The following RPL38 variants were observed in gnomAD, a reference collection of about 807,000 sequenced individuals.
The protein encoded by RPL38 is ribosomal protein L38, also known as large ribosomal subunit protein eL38.
RPL38 carries 2 observed loss-of-function variants against 12.8 expected under a neutral mutation model. The observed-to-expected ratio is 0.16, with a 90% CI of 0.06 to 0.49. The LOEUF is 0.49. Ranked by LOEUF, RPL38 falls within the 20% of genes least tolerant of loss-of-function variation. The pLI, the probability that RPL38 is intolerant of heterozygous loss-of-function variation, is 0.96. For missense variants in RPL38, 52 were observed against 79.8 expected, an observed-to-expected ratio of 0.65 and a Z score of 1.33; for synonymous variants, 42 against 30.1, an observed-to-expected ratio of 1.39 and a Z score of -1.29.
chr17:74,207,813 C>T (rs918989933), intron 3 of RPL38, among the ~76,000 whole-genome samples: 3 of 152,176 alleles, frequency 2.0e-5, no homozygotes, highest in African/African-American at 7.2e-5. Context: ...ACTGAATAAA[C>T]ATTTTGAAGA....
At chr17:74,207,796 G>T (rs141281946) in intron 3 of RPL38, among the ~76,000 whole-genome samples, 12 of 152,132 alleles carry the variant, frequency 7.9e-5, no homozygotes, top group African/African-American at 2.7e-4. Context: ...GTGAACCACC[G>T]CACCCAACTG....
rs1186851549 is a variant in RPL38 at position 74,204,284 on chromosome 17, A to AGGCCGTCTGGGTGTGTGCCT, written c.64+99_64+118dup. ...CCGGAATGTCAGGCAGGAGACGGTT[A>AGGCCGTCTGGGTGTGTGCCT]GGCCGTCTGGGTGTGTGCCTGGCCC... On this transcript the variant is annotated intron_variant, in intron 3 of 4. Transcript: ENST00000311111. 22 of 1,153,304 alleles carry AGGCCGTCTGGGTGTGTGCCT rather than the reference A, an allele frequency of 1.9e-5. No homozygotes were observed. In the Middle Eastern group the frequency reaches 5.8e-4, roughly 31 times the overall value. The allele number at this position is 1,153,304 out of a possible 1,614,324, so 71.4% of individuals were successfully genotyped here.
chr17:74,210,299 C>T lies in RPL38; in HGVS notation c.*470C>T, dbSNP rs547203441. Reference sequence around the variant, plus strand: ...GGCAAATGAGGCCATCTGTTTTCAGCCTGTTTGAAAATAAGATGTGGGGAG... The same window carrying T: ...GGCAAATGAGGCCATCTGTTTTCAGTCTGTTTGAAAATAAGATGTGGGGAG... On this transcript the variant is annotated 3_prime_UTR_variant, in exon 5 of 5. Transcript: ENST00000311111. 6.4e-6 allele frequency: 1 copy of T among 155,442 alleles called. No homozygotes were observed. The highest frequency in any genetic ancestry group is 6.4e-5 in the Admixed American group (1 of 15,646). The allele number at this position is 155,442 out of a possible 1,614,324, so 9.6% of individuals were successfully genotyped here.
chr17:74,206,296 T>A (rs2050112827), intron 3 of RPL38: 1 of 151,714 alleles, frequency 6.6e-6, no homozygotes, highest in Admixed American at 6.6e-5. Flanking sequence ...AAGAAAAAAG[T>A]TAGCCGGGCG....
In RPL38 at chr17:74,210,434, ATCTACCACTCGCTAACTTGACTGAC is replaced by A. The variant is rs1334563662; in HGVS notation, c.*607_*631del. 1 of 152,408 alleles carries A rather than the reference ATCTACCACTCGCTAACTTGACTGAC, an allele frequency of 6.6e-6. No individual in the cohort carries two copies. The highest frequency in any genetic ancestry group is 2.4e-5 in the African/African-American group (1 of 41,468). 9.4% of individuals were successfully genotyped at this position (152,408 alleles called of 1,614,324 possible). A position where few individuals can be genotyped will look rare whatever the true frequency, so the allele number is the denominator to read the frequency against. ...AAATGGGTGCAACAAGGTATAGCAC[ATCTACCACTCGCTAACTTGACTGAC>A]TTGGAGAAATGACTACACTTTTGCC... is the stretch of plus-strand genomic sequence containing the variant. On this transcript the variant is annotated 3_prime_UTR_variant, in exon 5 of 5. Coordinates refer to ENST00000311111, the MANE Select transcript of RPL38 (RefSeq NM_000999.4).
intron 4 of RPL38, 43 bp downstream of exon 4, chr17:74,209,352 A>C: frequency 6.2e-7 from 1 of 1,604,040 alleles, no homozygotes; most frequent in Non-Finnish European, 8.5e-7. Context: ...TGGGGTTTGG[A>C]AGGTTGCTGT....
At chr17:74,208,257 T>A (rs1179743319) in intron 3 of RPL38, among the ~76,000 whole-genome samples, 1 of 152,182 alleles carries the variant, frequency 6.6e-6, no homozygotes, top group Non-Finnish European at 1.5e-5. Context: ...CATGGAGTGG[T>A]AACTACTCCT....
rs1412468973 is a variant in RPL38, at chr17:74,203,907, G to GT, written c.-38-8dup. 1.9e-6 allele frequency: 3 copies of GT among 1,583,268 alleles called. No individual in the cohort carries two copies. Among genetic ancestry groups the GT allele is most frequent in the African/African-American group, 2.7e-5 (2 of 74,148 alleles). On this transcript the variant is annotated splice_polypyrimidine_tract_variant and intron_variant, in intron 1 of 4. Transcript: ENST00000311111. Reference sequence around the variant, plus strand: ...CCGCGCCGTGTTAACGCCGAGGACTGTTTCCCGCAGGTCCTGGTCCGCGCC... The same window carrying GT: ...CCGCGCCGTGTTAACGCCGAGGACTGTTTTCCCGCAGGTCCTGGTCCGCGCC...
At chr17:74,204,244 C>G in intron 3 of RPL38, 54 bp downstream of exon 3, 1 of 1,522,110 alleles carries the variant, frequency 6.6e-7, no homozygotes, top group Non-Finnish European at 9.1e-7. Context: ...TGGCACCGCT[C>G]CGGGAGCGTC....
In RPL38 at chr17:74,204,000, G is replaced by C. The variant is rs778078764; in HGVS notation, c.3+42G>C. The C allele has an allele frequency of 6.2e-6, 10 of 1,612,836 alleles. 1 individual carries two copies. Among genetic ancestry groups the C allele is most frequent in the African/African-American group, 1.3e-5 (1 of 74,918 alleles). On this transcript the variant is annotated intron_variant, in intron 2 of 4. Transcript: ENST00000311111. ...CCTGGCGCCTTCCCGGGGTGGGCTC[G>C]TGGGGCCCCGGGGCGAGGGCGAGAG... is the stretch of plus-strand genomic sequence containing the variant.
rs1045752956 is a variant in RPL38, at chr17:74,210,425, G to A, written c.*596G>A. 3 of 152,546 alleles carry A rather than the reference G, an allele frequency of 2.0e-5. No individual in the cohort carries two copies. The highest frequency in any genetic ancestry group is 1.3e-4 in the Admixed American group (2 of 15,298). The allele number at this position is 152,546 out of a possible 1,614,324, so 9.4% of individuals were successfully genotyped here. On this transcript the variant is annotated 3_prime_UTR_variant, in exon 5 of 5. Transcript: ENST00000311111. ...CAGGTCCCAAAATGGGTGCAACAAGGTATAGCACATCTACCACTCGCTAAC... is the reference window on the plus strand; with the variant it reads ...CAGGTCCCAAAATGGGTGCAACAAGATATAGCACATCTACCACTCGCTAAC...
intron 3 of RPL38, chr17:74,205,334 A>T (rs971793403): frequency 1.3e-5 from 2 of 152,196 alleles, no homozygotes; most frequent in Non-Finnish European, 2.9e-5. Context: ...ATCAGGTCAC[A>T]TGTGGAAGTG....
chr17:74,209,194 G>T lies in RPL38; in HGVS notation c.72G>T (p.Lys24Asn). ...GATTCTGGTCTCCGGTAGCTGTCAA[G>T]ATCAAGAAAAATAAGGACAACGTGA... ...TARRKDAKSV[K>N]IKKNKDNVKF... Residue 24 changes from lysine (K) to asparagine (N), a missense_variant, in exon 4 of 5, where the codon AAG becomes AAT. Lys to Asn is a moderately conservative substitution (Grantham distance 94). Coordinates refer to ENST00000311111, the MANE Select transcript of RPL38 (RefSeq NM_000999.4). 1 of 1,613,700 alleles carries T rather than the reference G, an allele frequency of 6.2e-7. No homozygotes were observed. The highest frequency in any genetic ancestry group is 1.7e-5 in the Admixed American group (1 of 59,970).
chr17:74,210,020 C>T lies in RPL38; in HGVS notation c.*191C>T. 1.9e-6 allele frequency: 1 copy of T among 530,062 alleles called. No individual in the cohort carries two copies. Among genetic ancestry groups the T allele is most frequent in the African/African-American group, 2.2e-5 (1 of 45,676 alleles). 32.8% of individuals were successfully genotyped at this position (530,062 alleles called of 1,614,324 possible). On this transcript the variant is annotated 3_prime_UTR_variant, in exon 5 of 5. Coordinates refer to ENST00000311111, the MANE Select transcript of RPL38 (RefSeq NM_000999.4). ...TTTCTTTCTTTGAGACGGAGTCTTG[C>T]TCTGTGGCTCATCCTGGAGCACAGT...
In RPL38 at chr17:74,209,251, C is replaced by T. The variant is rs2050142829; in HGVS notation, c.129C>T (p.Tyr43=). 6.2e-7 allele frequency: 1 copy of T among 1,614,002 alleles called. No individual in the cohort carries two copies. Among genetic ancestry groups the T allele is most frequent in the African/African-American group, 1.3e-5 (1 of 74,918 alleles). The part of the protein sequence containing the change: ...KFKVRCSRYL[Y]TLVITDKEKA... ...AAGTTCGATGCAGCAGATACCTTTA[C>T]ACCCTGGTCATCACTGACAAAGAGA... Residue 43 remains tyrosine, a synonymous_variant, in exon 4 of 5, where the codon TAC becomes TAT. Transcript: ENST00000311111.
At chr17:74,209,449 G>A in intron 4 of RPL38, 140 bp downstream of exon 4, 2 of 934,224 alleles carry the variant, frequency 2.1e-6, no homozygotes, top group South Asian at 1.6e-5. Flanking sequence ...GCTGTTGGGA[G>A]TGTGAGGAAT....
In RPL38 at chr17:74,210,016, C is replaced by T. The variant is rs914891940; in HGVS notation, c.*187C>T. 3 of 528,538 alleles carry T rather than the reference C, an allele frequency of 5.7e-6. No homozygotes were observed. The highest frequency in any genetic ancestry group is 4.6e-5 in the African/African-American group (2 of 43,954). 32.7% of individuals were successfully genotyped at this position (528,538 alleles called of 1,614,324 possible). ...TTTTTTTCTTTCTTTGAGACGGAGT[C>T]TTGCTCTGTGGCTCATCCTGGAGCA... On this transcript the variant is annotated 3_prime_UTR_variant, in exon 5 of 5. Transcript: ENST00000311111.
At chr17:74,208,229 C>T (rs1021536888) in intron 3 of RPL38, among the ~76,000 whole-genome samples, 5 of 152,122 alleles carry the variant, frequency 3.3e-5, no homozygotes, top group African/African-American at 4.8e-5. Flanking sequence ...AGAGTTGGAA[C>T]AAGGCATTCA....
rs35333460 is a variant in RPL38 at position 74,206,708 on chromosome 17, C to CTTTTTT, written c.65-2462_65-2457dup. On this transcript the variant is annotated intron_variant, in intron 3 of 4. Coordinates refer to ENST00000311111, the MANE Select transcript of RPL38 (RefSeq NM_000999.4). ...CAGAATTGCCTTCTGTTTTTTCTTT[C>CTTTTTT]TTTTTTTTTTTTTTTTTTTTTTGAC... is the stretch of plus-strand genomic sequence containing the variant. Among the ~76,000 whole-genome samples, 405 of 101,566 alleles carry CTTTTTT rather than the reference C, an allele frequency of 4.0e-3. 3 individuals are homozygous for CTTTTTT. The highest frequency in any genetic ancestry group is 6.9e-3 in the African/African-American group (178 of 25,708). 66.6% of individuals were successfully genotyped at this position (101,566 alleles called of 152,430 possible). A position where few individuals can be genotyped will look rare whatever the true frequency, so the allele number is the denominator to read the frequency against.
Sources: gnomAD v4.1 joint callset for allele counts (sites outside exome capture counted in the v4.1 genomes callset) on GRCh38, gnomAD v4.1.1 for gene constraint, MANE v1.5 for transcripts, NCBI Gene and HGNC (gene_info 2026-07-23, HGNC 2026-07-21) for gene names.